B3GAT1: variants seen among roughly 807,000 people sequenced by gnomAD.
The protein encoded by B3GAT1 is galactosylgalactosylxylosylprotein 3-beta-glucuronosyltransferase 1.
A neutral mutation model predicts 28.4 loss-of-function variants in B3GAT1; 11 were observed. That is an observed-to-expected ratio of 0.39 (90% confidence interval 0.24 to 0.64). The LOEUF (loss-of-function observed/expected upper bound fraction) is 0.64. B3GAT1 is among the 30% of genes least tolerant of loss of function. B3GAT1 has a pLI of 0.50. For missense variants in B3GAT1, 375 were observed against 491.0 expected, an observed-to-expected ratio of 0.76 and a Z score of 2.23; for synonymous variants, 255 against 223.1, an observed-to-expected ratio of 1.14 and a Z score of -1.27.
intron 1 of B3GAT1, among the ~76,000 whole-genome samples, chr11:134,395,214 G>A (rs1309110927): frequency 1.3e-5 from 2 of 152,232 alleles, no homozygotes; most frequent in South Asian, 4.1e-4. Flanking sequence ...ACGCCCGGGG[G>A]CGGGTGGGGA....
chr11:134,386,673 A>C (rs1022207646), intron 2 of B3GAT1: 1 of 152,158 alleles, frequency 6.6e-6, no homozygotes, highest in South Asian at 2.1e-4. Context: ...AAGGGTTTAA[A>C]ACACACTGCA....
intron 1 of B3GAT1, chr11:134,389,792 G>C (rs1944370623): frequency 6.6e-6 from 1 of 152,332 alleles, no homozygotes; most frequent in South Asian, 2.1e-4. Context: ...CTATGGCCGA[G>C]GAGGGTTTTT....
Position 134,387,734 on chromosome 11 carries a change from G to A in B3GAT1, c.-75C>T, listed in dbSNP as rs757178121. The A allele has an allele frequency of 1.4e-5, 22 of 1,592,220 alleles. No homozygotes were observed. Among genetic ancestry groups the A allele is most frequent in the South Asian group, 7.9e-5 (7 of 88,534 alleles). Reference sequence around the variant, plus strand: ...GTTCAGGAGAGGGGCGGCCACGGGCGGCGGCAGCACAGGGGAGAAAAGAAC... The same window carrying A: ...GTTCAGGAGAGGGGCGGCCACGGGCAGCGGCAGCACAGGGGAGAAAAGAAC... On this transcript the variant is annotated 5_prime_UTR_variant, in exon 2 of 6. Coordinates refer to ENST00000312527, the MANE Select transcript of B3GAT1 (RefSeq NM_054025.3).
intron 5 of B3GAT1, 173 bp downstream of exon 5, chr11:134,381,751 A>G: frequency 3.4e-6 from 2 of 594,990 alleles, no homozygotes; most frequent in South Asian, 4.1e-5. Flanking sequence ...ATGCCTGGAT[A>G]CTTTCAGGTG....
intron 1 of B3GAT1, chr11:134,390,554 G>A (rs1565453631): frequency 6.6e-6 from 1 of 152,240 alleles, no homozygotes; most frequent in Non-Finnish European, 1.5e-5. Context: ...CTTTCCTTTG[G>A]GGCAGCCTCT....
intron 1 of B3GAT1, among the ~76,000 whole-genome samples, chr11:134,396,513 T>C (rs1944507735): frequency 1.3e-5 from 2 of 152,212 alleles, no homozygotes; most frequent in African/African-American, 4.8e-5. Flanking sequence ...CCAGCCTCTT[T>C]CTGCCTCTGC....
rs1457584976 is a variant in B3GAT1 at position 134,411,789 on chromosome 11, G to A, written c.-282+18C>T. Reference sequence around the variant, plus strand: ...CTGTGCGCGGCGGGGCGCCCGCGGGGGCGCGGGGAGCACTGACCTGCGGCG... The same window carrying A: ...CTGTGCGCGGCGGGGCGCCCGCGGGAGCGCGGGGAGCACTGACCTGCGGCG... On this transcript the variant is annotated intron_variant, in intron 1 of 5. Transcript: ENST00000312527. The surrounding 1 kb of genome is among the most constrained non-coding windows in gnomAD (Gnocchi z 6.0). 1 of 152,246 alleles carries A rather than the reference G, an allele frequency of 6.6e-6. No homozygotes were observed. Among genetic ancestry groups the A allele is most frequent in the Non-Finnish European group, 1.5e-5 (1 of 68,284 alleles). The allele number at this position is 152,246 out of a possible 1,614,324, so 9.4% of individuals were successfully genotyped here. A position where few individuals can be genotyped will look rare whatever the true frequency, so the allele number is the denominator to read the frequency against.
In B3GAT1 at chr11:134,402,316, G is replaced by C. The variant is rs143285177; in HGVS notation, c.-282+9491C>G. On this transcript the variant is annotated intron_variant, in intron 1 of 5. Transcript: ENST00000312527. ...GTGTCTCTGCCCAGCTTCCCAGAAAGGCACTCAGGAAGGACCGGTGATTTC... is the reference window on the plus strand; with the variant it reads ...GTGTCTCTGCCCAGCTTCCCAGAAACGCACTCAGGAAGGACCGGTGATTTC... Among the ~76,000 whole-genome samples, 221 of 152,284 alleles carry C rather than the reference G, an allele frequency of 1.5e-3. 1 individual carries two copies. Among genetic ancestry groups the C allele is most frequent in the African/African-American group, 5.0e-3 (209 of 41,550 alleles).
chr11:134,410,326 G>T (rs1944829701), intron 1 of B3GAT1, among the ~76,000 whole-genome samples: 1 of 152,232 alleles, frequency 6.6e-6, no homozygotes, highest in Admixed American at 6.5e-5. Flanking sequence ...GCATCCTGGG[G>T]TCAGGCACAG....
intron 1 of B3GAT1, among the ~76,000 whole-genome samples, chr11:134,397,327 G>A (rs1192616259): frequency 3.9e-5 from 6 of 152,146 alleles, no homozygotes; most frequent in Admixed American, 6.5e-5. Flanking sequence ...TGACTGCAAC[G>A]TACCCAGCCT....
intron 1 of B3GAT1, chr11:134,391,531 T>C (rs1022442349): frequency 6.6e-6 from 1 of 152,274 alleles, no homozygotes; most frequent in African/African-American, 2.4e-5. Context: ...GACCCCAGAA[T>C]GGCTTCTAGG....
intron 1 of B3GAT1, among the ~76,000 whole-genome samples, chr11:134,401,524 T>C (rs1344443699): frequency 6.6e-6 from 1 of 151,912 alleles, no homozygotes; most frequent in Non-Finnish European, 1.5e-5. Context: ...CAGCTAAACA[T>C]TGGGTACTCT....
intron 1 of B3GAT1, among the ~76,000 whole-genome samples, chr11:134,395,208 C>A (rs1944480657): frequency 6.6e-6 from 1 of 152,190 alleles, no homozygotes; most frequent in Admixed American, 6.5e-5. Context: ...TGGGGCACGC[C>A]CGGGGGCGGG....
chr11:134,412,108 G>GGGAGCGGGGAGGGGGAGGT lies in B3GAT1; in HGVS notation c.-584_-583insACCTCCCCCTCCCCGCTCC, dbSNP rs1555100170. On this transcript the variant is annotated 5_prime_UTR_variant, in exon 1 of 6. Transcript: ENST00000312527. ...AGGCGGGGGGCGGGGGGCGGGGAGG[G>GGGAGCGGGGAGGGGGAGGT]GGAGCGGGGAGGGGGAGCGGGGAGC... 9.3e-6 allele frequency among the ~76,000 whole-genome samples: 1 copy of GGGAGCGGGGAGGGGGAGGT among 107,590 alleles called. No homozygotes were observed. The highest frequency in any genetic ancestry group is 2.0e-5 in the Non-Finnish European group (1 of 50,896). The allele number at this position is 107,590 out of a possible 152,430, so 70.6% of individuals were successfully genotyped here.
intron 1 of B3GAT1, among the ~76,000 whole-genome samples, chr11:134,410,376 G>T (rs1170142639): frequency 6.6e-6 from 1 of 152,196 alleles, no homozygotes; most frequent in African/African-American, 2.4e-5. Flanking sequence ...TGCTGAATGG[G>T]GCACAGATGC....
At chr11:134,403,339 C>T (rs752947898) in intron 1 of B3GAT1, among the ~76,000 whole-genome samples, 11 of 152,206 alleles carry the variant, frequency 7.2e-5, no homozygotes, top group Middle Eastern at 3.2e-3. Context: ...GTACGTTTGC[C>T]TGGGACATGC....
In B3GAT1 at chr11:134,382,845, G is replaced by A. The variant is rs752444545; in HGVS notation, c.783C>T (p.Asn261=). 6.2e-7 allele frequency: 1 copy of A among 1,614,222 alleles called. No individual in the cohort carries two copies. Among genetic ancestry groups the A allele is most frequent in the Non-Finnish European group, 8.5e-7 (1 of 1,180,036 alleles). The change falls in exon 4 of 6, where the codon AAC becomes AAT. Residue 261 remains asparagine (N), a synonymous_variant. Coordinates refer to ENST00000312527, the MANE Select transcript of B3GAT1 (RefSeq NM_054025.3). ...GGCTTCGCTGCAGAATGAGCCGCAG[G>A]TTGACGGCAAATCCAGCCATGTCTA... ...FAIDMAGFAV[N]LRLILQRSQA... is the part of the protein sequence containing the mutation.
At position 134,393,917 on chromosome 11, in the gene B3GAT1, T is replaced by TCCCACA. The variant is rs1944457142; in HGVS notation, c.-281-5978_-281-5977insTGTGGG. On this transcript the variant is annotated intron_variant, in intron 1 of 5. Transcript: ENST00000312527. This position sits in a 1 kb window ranked among gnomAD's most constrained non-coding sequence, Gnocchi z 4.0. Reference sequence around the variant, plus strand: ...AGGCTTTGTCCCACAGATCTCCAGGTGCCCCTAATGGGATCAGCGGATTAG... The same window carrying TCCCACA: ...AGGCTTTGTCCCACAGATCTCCAGGTCCCACAGCCCCTAATGGGATCAGCGGATTAG... Among the ~76,000 whole-genome samples the TCCCACA allele has an allele frequency of 6.6e-6, 1 of 152,156 alleles. No homozygotes were observed. Among genetic ancestry groups the TCCCACA allele is most frequent in the African/African-American group, 2.4e-5 (1 of 41,448 alleles).
rs1267257885 is a variant in B3GAT1, at chr11:134,412,043, C to G, written c.-518G>C. On this transcript the variant is annotated 5_prime_UTR_variant, in exon 1 of 6. Coordinates refer to ENST00000312527, the MANE Select transcript of B3GAT1 (RefSeq NM_054025.3). ...GTTCTGGGCTCAGCGAGGCGGCGGC[C>G]GAAGGCTGGGAGCGCGCGGGAGGGA... 8.3e-6 allele frequency: 1 copy of G among 120,640 alleles called. No homozygotes were observed. Among genetic ancestry groups the G allele is most frequent in the Non-Finnish European group, 1.8e-5 (1 of 56,346 alleles). The allele number at this position is 120,640 out of a possible 1,614,324, so 7.5% of individuals were successfully genotyped here.
Sources: allele counts gnomAD v4.1 joint callset (sites outside exome capture counted in the v4.1 genomes callset), GRCh38; gene constraint gnomAD v4.1.1; non-coding constraint Gnocchi (gnomAD v3.1); transcripts MANE v1.5; gene names NCBI Gene and HGNC (gene_info 2026-07-23, HGNC 2026-07-21).